Variants in RPA3 observed in about 807,000 individuals in gnomAD.
RPA3 encodes the protein replication protein A3.
Under a neutral mutation model 13.7 loss-of-function variants are expected in RPA3, and 24 were observed. The observed-to-expected ratio is 1.75, with a 90% CI of 1.27 to 2.46. RPA3 has a LOEUF of 2.46. Among genes scored for constraint, RPA3 ranks in the 30% most tolerant of loss-of-function variants. The pLI is 0.00. For synonymous variants in RPA3, 59 were observed against 51.2 expected (o/e 1.15, Z -0.65); for missense variants, 183 against 151.0 (o/e 1.21, Z -1.11).
chr7:7,708,149 G>A (rs888577745), intron 2 of RPA3, among the ~76,000 whole-genome samples: 7 of 152,062 alleles, frequency 4.6e-5, no homozygotes, highest in Non-Finnish European at 7.4e-5. Flanking sequence ...CGACATCCAC[G>A]CCATTATCAT....
chr7:7,641,864 C>G (rs1232736007), intron 4 of RPA3, among the ~76,000 whole-genome samples: 2 of 152,162 alleles, frequency 1.3e-5, no homozygotes, highest in Admixed American at 6.5e-5. Flanking sequence ...AGATTGGAAT[C>G]TCATGTACGA....
intron 4 of RPA3, among the ~76,000 whole-genome samples, chr7:7,678,579 AAT>A (rs1335998428): frequency 7.3e-6 from 1 of 136,358 alleles, no homozygotes; most frequent in South Asian, 2.2e-4. Flanking sequence ...TTTATAGATA[AAT>A]ATATATTTAT....
chr7:7,645,326 C>G (rs1246850022), intron 4 of RPA3, among the ~76,000 whole-genome samples: 2 of 152,162 alleles, frequency 1.3e-5, no homozygotes, highest in South Asian at 4.1e-4. Flanking sequence ...TGCACAAACG[C>G]TTATTCTCAC....
Position 7,707,499 on chromosome 7 carries a change from A to G in RPA3, c.-1028+7676T>C, listed in dbSNP as rs28912695. 1.1e-3 allele frequency among the ~76,000 whole-genome samples: 168 copies of G among 152,302 alleles called. 1 individual carries two copies. Among genetic ancestry groups the G allele is most frequent in the Non-Finnish European group, 2.0e-3 (133 of 68,014 alleles). ...GGCAGTGGGAATGCCATATGCTCTC[A>G]AATTGCTTCAGTGTGATTTTGTAAA... On this transcript the variant is annotated intron_variant, in intron 2 of 7. Transcript: ENST00000223129.
intron 6 of RPA3, chr7:7,638,541 A>AAAAACAAAACAAAAC (rs142839978): frequency 3.3e-5 from 5 of 150,476 alleles, no homozygotes; most frequent in African/African-American, 1.2e-4. Context: ...CATCTTTACA[A>AAAAACAAAACAAAAC]AAAACAAAAC....
chr7:7,673,257 A>G, intron 4 of RPA3: 1 of 1,030,926 alleles, frequency 9.7e-7, no homozygotes, highest in African/African-American at 1.6e-5. Flanking sequence ...AAAAAGGGTA[A>G]GAGTTTTACA....
At chr7:7,668,495 G>A (rs1282506671) in intron 4 of RPA3, among the ~76,000 whole-genome samples, 2 of 152,098 alleles carry the variant, frequency 1.3e-5, no homozygotes, top group Admixed American at 1.3e-4. Context: ...ATCTCTTAGT[G>A]TGCCTAATTT....
At chr7:7,641,349 G>A (rs1227410796) in intron 4 of RPA3, among the ~76,000 whole-genome samples, 174 bp from the exon 5 acceptor site, 1 of 152,138 alleles carries the variant, frequency 6.6e-6, no homozygotes, top group Non-Finnish European at 1.5e-5. Flanking sequence ...GGGGAGACAA[G>A]CTTAAATCGT....
At chr7:7,660,848 G>A (rs902361128) in intron 4 of RPA3, among the ~76,000 whole-genome samples, 1 of 152,168 alleles carries the variant, frequency 6.6e-6, no homozygotes, top group Non-Finnish European at 1.5e-5. Flanking sequence ...ATGTTGGCCT[G>A]TCTTGCTAGG....
rs1337056640 is a variant in RPA3, at chr7:7,669,873, G to GT, written c.-758+15956dup. Among the ~76,000 whole-genome samples the GT allele has an allele frequency of 2.0e-5, 3 of 152,150 alleles. No homozygotes were observed. The East Asian group carries it at 5.8e-4, about 29-fold the overall frequency. ...GCCTCCTTTGCCTTATTCCTGACCT[G>GT]TTTTTTTCCATGCCTACACGTTTCT... is the stretch of plus-strand genomic sequence containing the variant. On this transcript the variant is annotated intron_variant, in intron 4 of 7. Coordinates refer to ENST00000223129, the MANE Select transcript of RPA3 (RefSeq NM_002947.5).
chr7:7,713,205 A>C (rs1243754672), intron 2 of RPA3, among the ~76,000 whole-genome samples: 1 of 151,894 alleles, frequency 6.6e-6, no homozygotes, highest in African/African-American at 2.4e-5. Context: ...TTAGCTGGGC[A>C]TGGTGGCGTG....
intron 1 of RPA3, among the ~76,000 whole-genome samples, chr7:7,716,927 C>A (rs1247940792): frequency 1.3e-5 from 2 of 152,176 alleles, no homozygotes; most frequent in Non-Finnish European, 2.9e-5. Flanking sequence ...CTCTCGTGCC[C>A]TATGTAAATC....
intron 4 of RPA3, among the ~76,000 whole-genome samples, chr7:7,673,738 A>G (rs1395252608): frequency 2.0e-5 from 3 of 151,832 alleles, no homozygotes; most frequent in African/African-American, 7.3e-5. Context: ...TGGAAAATCT[A>G]AAGTCTTCAA....
intron 4 of RPA3, among the ~76,000 whole-genome samples, chr7:7,666,477 G>C (rs1444882320): frequency 6.6e-6 from 1 of 151,986 alleles, no homozygotes; most frequent in Non-Finnish European, 1.5e-5. Context: ...CAAAGTACTG[G>C]AATTACAGAT....
intron 4 of RPA3, among the ~76,000 whole-genome samples, chr7:7,656,305 T>G (rs1785340692): frequency 6.6e-6 from 1 of 152,072 alleles, no homozygotes; most frequent in Non-Finnish European, 1.5e-5. Context: ...TGTTCATGTA[T>G]TTAAAAAAAT....
At chr7:7,712,844 A>G (rs1780801518) in intron 2 of RPA3, among the ~76,000 whole-genome samples, 1 of 152,180 alleles carries the variant, frequency 6.6e-6, no homozygotes, top group African/African-American at 2.4e-5. Flanking sequence ...CTAAAGGCTT[A>G]TTGTAGAAAC....
chr7:7,672,975 C>G (rs1270930242), intron 4 of RPA3, among the ~76,000 whole-genome samples: 1 of 152,176 alleles, frequency 6.6e-6, no homozygotes, highest in Admixed American at 6.5e-5. Context: ...ATCACCCAAA[C>G]CAGTGTCTGT....
chr7:7,673,540 A>C (rs1293968912), intron 4 of RPA3: 1 of 646,568 alleles, frequency 1.5e-6, no homozygotes, highest in Non-Finnish European at 2.7e-6. Context: ...ATTTTAAATT[A>C]TTTCTTATAA....
chr7:7,648,140 C>G (rs917657170), intron 4 of RPA3, among the ~76,000 whole-genome samples: 1 of 152,176 alleles, frequency 6.6e-6, no homozygotes, highest in East Asian at 1.9e-4. Flanking sequence ...CTCCAGTGGC[C>G]TCCTTCTTCT....
Sources: allele counts gnomAD v4.1 joint callset (sites outside exome capture counted in the v4.1 genomes callset), GRCh38; gene constraint gnomAD v4.1.1; transcripts MANE v1.5; gene names NCBI Gene and HGNC (gene_info 2026-07-23, HGNC 2026-07-21).